Variants in ECHDC1 observed in about 807,000 individuals in gnomAD.
The protein encoded by ECHDC1 is ethylmalonyl-CoA decarboxylase 1.
A neutral mutation model predicts 29.7 loss-of-function variants in ECHDC1; 29 were observed. That is an observed-to-expected ratio of 0.98 (90% confidence interval 0.73 to 1.33). The LOEUF is 1.33. ECHDC1 is among the 40% of genes most tolerant of loss of function. The probability of loss-of-function intolerance (pLI) is 0.00; values close to 1 mark genes in which losing one functional copy is unlikely to be tolerated. For synonymous variants in ECHDC1, 126 were observed against 123.1 expected (o/e 1.02, Z -0.15); for missense variants, 328 against 350.0 (o/e 0.94, Z 0.50).
intron 3 of ECHDC1, among the ~76,000 whole-genome samples, chr6:127,322,303 T>A (rs1782899060): frequency 6.6e-6 from 1 of 152,114 alleles, no homozygotes. Flanking sequence ...CAAGACTCTG[T>A]CTCAATAAAA....
chr6:127,293,183 T>TA (rs1780334494), intron 5 of ECHDC1, among the ~76,000 whole-genome samples: 2 of 152,146 alleles, frequency 1.3e-5, no homozygotes, highest in Admixed American at 1.3e-4. Flanking sequence ...AGTTAACTCT[T>TA]AAGTTTCAGG....
chr6:127,298,275 AAATTC>A (rs1348151010), intron 5 of ECHDC1, among the ~76,000 whole-genome samples: 6 of 152,226 alleles, frequency 3.9e-5, no homozygotes, highest in Admixed American at 2.0e-4. Flanking sequence ...CTCTCACACC[AAATTC>A]AATAGTAAAA....
chr6:127,331,060 A>G (rs1305884968), intron 1 of ECHDC1, 30 bp from the exon 2 acceptor site: 4 of 1,537,898 alleles, frequency 2.6e-6, no homozygotes, highest in Non-Finnish European at 2.7e-6. Flanking sequence ...ATGCGGTAGT[A>G]TAGATGAATA....
At chr6:127,327,299 G>C (rs1424768125) in intron 2 of ECHDC1, among the ~76,000 whole-genome samples, 155 bp from the exon 3 acceptor site, 1 of 152,132 alleles carries the variant, frequency 6.6e-6, no homozygotes, top group Non-Finnish European at 1.5e-5. Flanking sequence ...CTGGCACTAT[G>C]GAGTATACAG....
intron 3 of ECHDC1, among the ~76,000 whole-genome samples, chr6:127,322,436 C>T (rs533361028): frequency 1.3e-5 from 2 of 152,216 alleles, no homozygotes; most frequent in East Asian, 1.9e-4. Flanking sequence ...CAACAAGTGA[C>T]GAACACTTGC....
At chr6:127,334,128 C>G (rs1003914584) in intron 1 of ECHDC1, among the ~76,000 whole-genome samples, 7 of 152,124 alleles carry the variant, frequency 4.6e-5, no homozygotes, top group Non-Finnish European at 7.4e-5. Flanking sequence ...TAATTCAGAC[C>G]TTATGCCTGT....
chr6:127,328,437 A>G (rs940714161), intron 2 of ECHDC1, among the ~76,000 whole-genome samples: 1 of 152,226 alleles, frequency 6.6e-6, no homozygotes, highest in African/African-American at 2.4e-5. Flanking sequence ...GCTGTATCAT[A>G]TGGTATAGGT....
intron 1 of ECHDC1, among the ~76,000 whole-genome samples, chr6:127,331,265 C>T (rs1350854574): frequency 6.6e-6 from 1 of 151,744 alleles, no homozygotes; most frequent in East Asian, 1.9e-4. Context: ...CCTATCTCAG[C>T]TTCCCAATTA....
intron 5 of ECHDC1, among the ~76,000 whole-genome samples, chr6:127,306,274 C>T (rs1781429270): frequency 6.6e-6 from 1 of 152,058 alleles, no homozygotes; most frequent in African/African-American, 2.4e-5. Flanking sequence ...TTATGCCACC[C>T]ATCACTGGAG....
intron 4 of ECHDC1, 143 bp from the exon 5 acceptor site, chr6:127,315,039 G>A (rs1582967043): frequency 2.6e-6 from 2 of 767,310 alleles, no homozygotes; most frequent in Middle Eastern, 2.2e-4. Context: ...TCAAAGGATA[G>A]CAGAAGCTTG....
intron 5 of ECHDC1, among the ~76,000 whole-genome samples, chr6:127,297,539 T>G (rs1011930733): frequency 2.6e-5 from 4 of 152,136 alleles, no homozygotes; most frequent in Non-Finnish European, 4.4e-5. Flanking sequence ...AAACTGCAAC[T>G]ACACTAATAA....
At chr6:127,292,172 A>G (rs1212350595) in intron 5 of ECHDC1, among the ~76,000 whole-genome samples, 2 of 152,096 alleles carry the variant, frequency 1.3e-5, no homozygotes, top group South Asian at 2.1e-4. Context: ...ATAATGGAGT[A>G]AAGGACTATG....
intron 5 of ECHDC1, among the ~76,000 whole-genome samples, chr6:127,311,541 G>A (rs1430491426): frequency 6.6e-6 from 1 of 151,706 alleles, no homozygotes; most frequent in African/African-American, 2.4e-5. Flanking sequence ...CAGGCGTGGT[G>A]GCAGGCGCCT....
intron 5 of ECHDC1, among the ~76,000 whole-genome samples, chr6:127,298,860 C>T (rs11962618): frequency 0.3 from 45,438 of 151,468 alleles, 8,570 homozygotes; most frequent in Non-Finnish European, 0.44. Flanking sequence ...GTTAATGGTT[C>T]GGGTATTTAC....
chr6:127,296,898 C>T lies in ECHDC1; in HGVS notation c.498-6621G>A, dbSNP rs566099640. Among the ~76,000 whole-genome samples, 27 of 151,856 alleles carry T rather than the reference C, an allele frequency of 1.8e-4. No homozygotes were observed. In the East Asian group the frequency reaches 2.7e-3, roughly 15 times the overall value. The stretch of plus-strand genomic sequence containing the variant: ...TGCACTCCTGTAGTCCCAGTTACTC[C>T]GGAGGCTGAGGTGGGAGGATGACTT... On this transcript the variant is annotated intron_variant, in intron 5 of 5. Coordinates refer to ENST00000454859, the MANE Select transcript of ECHDC1 (RefSeq NM_001002030.2).
chr6:127,292,168 G>C (rs978707456), intron 5 of ECHDC1, among the ~76,000 whole-genome samples: 7 of 151,962 alleles, frequency 4.6e-5, no homozygotes, highest in African/African-American at 1.7e-4. Context: ...GCCTATAATG[G>C]AGTAAAGGAC....
chr6:127,338,889 G>A (rs1002711774), intron 1 of ECHDC1, among the ~76,000 whole-genome samples: 5 of 152,114 alleles, frequency 3.3e-5, no homozygotes, highest in African/African-American at 1.2e-4. Context: ...CAAAATACGG[G>A]TATGTTCTAT....
intron 1 of ECHDC1, chr6:127,331,849 C>A (rs1183577650): frequency 1.0e-6 from 1 of 985,132 alleles, no homozygotes; most frequent in Admixed American, 6.2e-5. Context: ...AGCTTTCAGG[C>A]AAAAAGCTGG....
chr6:127,297,357 CAA>C (rs1780693326), intron 5 of ECHDC1, among the ~76,000 whole-genome samples: 1 of 151,940 alleles, frequency 6.6e-6, no homozygotes, highest in African/African-American at 2.4e-5. Context: ...AGGCTGGAAA[CAA>C]GGGAAAAAAT....
Sources: gnomAD v4.1 joint callset for allele counts (sites outside exome capture counted in the v4.1 genomes callset) on GRCh38, gnomAD v4.1.1 for gene constraint, MANE v1.5 for transcripts, NCBI Gene and HGNC (gene_info 2026-07-23, HGNC 2026-07-21) for gene names.